Variants in NTM observed in about 807,000 individuals in gnomAD.
NTM encodes the protein neurotrimin, also known as IgLON family member 2.
Under a neutral mutation model 42.1 loss-of-function variants are expected in NTM, and 13 were observed. That is an observed-to-expected ratio of 0.31 (90% confidence interval 0.20 to 0.49). The LOEUF is 0.49. NTM is among the 20% of genes least tolerant of loss of function. The pLI, the probability that NTM is intolerant of heterozygous loss-of-function variation, is 0.99. For missense variants in NTM, 373 were observed against 452.8 expected (o/e 0.82, Z 1.60); for synonymous variants, 187 against 179.2 (o/e 1.04, Z -0.35).
At chr11:131,536,388 G>A (rs961177448) in intron 1 of NTM, 1 of 152,166 alleles carries the variant, frequency 6.6e-6, no homozygotes, top group African/African-American at 2.4e-5. Context: ...GCATCACCCT[G>A]GTTACTGGGG....
intron 1 of NTM, among the ~76,000 whole-genome samples, chr11:131,437,724 C>A (rs1391570561): frequency 1.3e-5 from 2 of 152,156 alleles, no homozygotes; most frequent in Non-Finnish European, 1.5e-5. Context: ...ACTGATGGGT[C>A]TTGACTCTTT....
chr11:131,558,593 C>T (rs117699157), intron 1 of NTM, among the ~76,000 whole-genome samples: 216 of 152,262 alleles, frequency 1.4e-3, no homozygotes, highest in Non-Finnish European at 2.4e-3. Flanking sequence ...TAAAACAGCT[C>T]CAAGGTGATC....
intron 1 of NTM, among the ~76,000 whole-genome samples, chr11:131,569,175 G>A (rs1185890010): frequency 1.4e-5 from 2 of 143,226 alleles, no homozygotes; most frequent in South Asian, 2.2e-4. Flanking sequence ...ACAGAGTTTC[G>A]CTCTCGTCAC....
chr11:131,920,452 G>C (rs2057059208), intron 2 of NTM, among the ~76,000 whole-genome samples: 1 of 152,202 alleles, frequency 6.6e-6, no homozygotes, highest in Non-Finnish European at 1.5e-5. Flanking sequence ...ATTAGAAACT[G>C]ATCTCAGCAT....
intron 2 of NTM, among the ~76,000 whole-genome samples, chr11:131,924,801 A>G (rs186309543): frequency 2.0e-4 from 31 of 152,334 alleles, no homozygotes; most frequent in Admixed American, 2.0e-3. Flanking sequence ...TTCAGAGATG[A>G]TTTGTTACAA....
chr11:132,155,918 T>C (rs536097794), intron 3 of NTM, among the ~76,000 whole-genome samples: 1 of 152,300 alleles, frequency 6.6e-6, no homozygotes, highest in African/African-American at 2.4e-5. Context: ...GCAGCAGCTC[T>C]CACAGCCACT....
At chr11:131,469,163 T>C (rs948517664) in intron 1 of NTM, among the ~76,000 whole-genome samples, 3 of 152,120 alleles carry the variant, frequency 2.0e-5, no homozygotes, top group East Asian at 1.9e-4. Flanking sequence ...CCTCTGCATC[T>C]CCCCTCCCCA....
intron 1 of NTM, among the ~76,000 whole-genome samples, chr11:131,809,554 A>C (rs1327904613): frequency 6.6e-6 from 1 of 152,172 alleles, no homozygotes; most frequent in Non-Finnish European, 1.5e-5. Context: ...AGCACTTCAA[A>C]CTGTGTTTGA....
At chr11:131,391,644 G>GAAAAAAAAAAAAAAAAA (rs5795723) in intron 1 of NTM, among the ~76,000 whole-genome samples, 88 of 81,428 alleles carry the variant, frequency 1.1e-3, no homozygotes, top group Middle Eastern at 9.6e-3. Context: ...TTTTATCTGG[G>GAAAAAAAAAAAAAAAAA]AAAAAAAAAA....
At chr11:131,568,268 A>G (rs1487903472) in intron 1 of NTM, among the ~76,000 whole-genome samples, 4 of 152,232 alleles carry the variant, frequency 2.6e-5, no homozygotes, top group Non-Finnish European at 2.9e-5. Context: ...GTCCTGGACT[A>G]TACCTCAGTA....
chr11:131,957,192 C>T (rs1479907138), intron 2 of NTM, among the ~76,000 whole-genome samples: 1 of 152,176 alleles, frequency 6.6e-6, no homozygotes, highest in Non-Finnish European at 1.5e-5. Context: ...TGTCTTACTT[C>T]ACAAAATTGT....
chr11:131,733,350 C>T (rs925582292), intron 1 of NTM, among the ~76,000 whole-genome samples: 5 of 152,124 alleles, frequency 3.3e-5, no homozygotes, highest in Non-Finnish European at 7.4e-5. Context: ...ATTTCACTAA[C>T]GAGGACTTTT....
intron 2 of NTM, among the ~76,000 whole-genome samples, chr11:131,917,256 C>T (rs1298738933): frequency 2.6e-5 from 4 of 152,220 alleles, no homozygotes; most frequent in African/African-American, 9.6e-5. Context: ...ACGTCTTCTT[C>T]TCCTTGGAGT....
At chr11:131,491,777 C>T (rs1954820849) in intron 1 of NTM, among the ~76,000 whole-genome samples, 1 of 152,190 alleles carries the variant, frequency 6.6e-6, no homozygotes, top group East Asian at 1.9e-4. Flanking sequence ...AGATGAATGT[C>T]ACCTTCTTCA....
chr11:131,998,788 A>G (rs1304186573), intron 2 of NTM, among the ~76,000 whole-genome samples: 1 of 152,108 alleles, frequency 6.6e-6, no homozygotes, highest in Admixed American at 6.5e-5. Context: ...GGGCCAGTGC[A>G]GGGCAAGAAT....
At chr11:131,685,054 G>A (rs1252020067) in intron 1 of NTM, among the ~76,000 whole-genome samples, 2 of 152,232 alleles carry the variant, frequency 1.3e-5, no homozygotes, top group African/African-American at 2.4e-5. Flanking sequence ...CCAAGAATGA[G>A]CTTTCTAGAA....
chr11:132,085,535 A>T (rs1016520076), intron 2 of NTM, among the ~76,000 whole-genome samples: 2 of 152,208 alleles, frequency 1.3e-5, no homozygotes, highest in African/African-American at 4.8e-5. Context: ...TTTTAACAAC[A>T]TTTGCATTTT....
intron 4 of NTM, among the ~76,000 whole-genome samples, chr11:132,232,663 T>C (rs2087862554): frequency 6.6e-6 from 1 of 152,208 alleles, no homozygotes; most frequent in African/African-American, 2.4e-5. Flanking sequence ...ATATGAAGAT[T>C]AGCAACAGTA....
chr11:131,541,909 T>C (rs1043062398), intron 1 of NTM, among the ~76,000 whole-genome samples: 5 of 152,226 alleles, frequency 3.3e-5, no homozygotes, highest in African/African-American at 1.2e-4. Flanking sequence ...ATCCAGTGTG[T>C]CTCTTTATAC....
Sources: allele counts gnomAD v4.1 joint callset (sites outside exome capture counted in the v4.1 genomes callset), GRCh38; gene constraint gnomAD v4.1.1; transcripts MANE v1.5; gene names NCBI Gene and HGNC (gene_info 2026-07-23, HGNC 2026-07-21).